Variants in TPRG1 observed in about 807,000 individuals in gnomAD.
TPRG1 encodes tumor protein p63-regulated gene 1 protein.
A neutral mutation model predicts 29.3 loss-of-function variants in TPRG1; 29 were observed. The observed-to-expected ratio is 0.99, with a 90% CI of 0.74 to 1.35. TPRG1 has a LOEUF of 1.35. TPRG1 is among the 40% of genes most tolerant of loss of function. TPRG1 has a pLI of 0.00. For synonymous variants in TPRG1, 130 were observed against 116.8 expected (o/e 1.11, Z -0.73); for missense variants, 327 against 335.0 (o/e 0.98, Z 0.19).
chr3:189,264,803 A>C (rs1161656507), intron 4 of TPRG1, among the ~76,000 whole-genome samples: 4 of 152,208 alleles, frequency 2.6e-5, no homozygotes, highest in African/African-American at 9.7e-5. Context: ...TCCTTCCCCA[A>C]ATATTCAGTC....
At chr3:189,100,570 C>T (rs1007080472) in intron 1 of TPRG1, among the ~76,000 whole-genome samples, 1 of 152,140 alleles carries the variant, frequency 6.6e-6, no homozygotes, top group Non-Finnish European at 1.5e-5. Flanking sequence ...TCTTCCATTG[C>T]AAAATGTATT....
At chr3:189,220,056 T>G (rs1736716586) in intron 3 of TPRG1, among the ~76,000 whole-genome samples, 1 of 152,196 alleles carries the variant, frequency 6.6e-6, no homozygotes, top group African/African-American at 2.4e-5. Flanking sequence ...GATCTACTAC[T>G]TACTATCAGT....
chr3:189,098,760 C>T (rs1212759264), upstream of TPRG1, among the ~76,000 whole-genome samples: 1 of 152,150 alleles, frequency 6.6e-6, no homozygotes, highest in Non-Finnish European at 1.5e-5. Context: ...AATTTCCAAG[C>T]CTTGTGGTTT....
chr3:189,126,563 A>G (rs1460330867), intron 1 of TPRG1, among the ~76,000 whole-genome samples: 1 of 152,188 alleles, frequency 6.6e-6, no homozygotes, highest in Non-Finnish European at 1.5e-5. Context: ...TTTATATGGG[A>G]AATGGGTGCA....
chr3:189,120,511 C>G (rs1721707175), intron 1 of TPRG1: 1 of 152,122 alleles, frequency 6.6e-6, no homozygotes, highest in Admixed American at 6.6e-5. Context: ...ATCTTTGGGT[C>G]AGTGGTTCAT....
intron 1 of TPRG1, among the ~76,000 whole-genome samples, chr3:189,122,985 C>T (rs950257947): frequency 1.3e-5 from 2 of 152,158 alleles, no homozygotes; most frequent in African/African-American, 4.8e-5. Context: ...AATGCTTTGT[C>T]CTCCTTGTAT....
At chr3:189,319,938 C>A (rs149807318) in intron 5 of TPRG1, among the ~76,000 whole-genome samples, 1 of 152,048 alleles carries the variant, frequency 6.6e-6, no homozygotes, top group South Asian at 2.1e-4. Context: ...TTCTTCTTCA[C>A]GTAACTAGCT....
intron 3 of TPRG1, among the ~76,000 whole-genome samples, chr3:189,022,186 C>T (rs767605012): frequency 4.1e-4 from 63 of 152,188 alleles, no homozygotes; most frequent in Non-Finnish European, 6.6e-4. Flanking sequence ...AATGTCCTCC[C>T]GTAGCTCAGA....
chr3:189,036,699 G>A lies in TPRG1; in HGVS notation c.-463+12753G>A, dbSNP rs75210925. On this transcript the variant is annotated intron_variant, in intron 4 of 10. Coordinates refer to the TPRG1 transcript ENST00000433971. ...TTTGGAAAGATGAGTAACATATACA[G>A]GTATCTGGTAACACTGGTAACAAAA... Among the ~76,000 whole-genome samples, 222 of 151,822 alleles carry A rather than the reference G, an allele frequency of 1.5e-3. 1 individual carries two copies. The highest frequency in any genetic ancestry group is 5.2e-3 in the African/African-American group (217 of 41,420).
At chr3:189,079,763 G>A (rs1717461410) in intron 4 of TPRG1, among the ~76,000 whole-genome samples, 1 of 152,100 alleles carries the variant, frequency 6.6e-6, no homozygotes, top group African/African-American at 2.4e-5. Context: ...TTGGCTTTCT[G>A]GACATAAACT....
intron 4 of TPRG1, among the ~76,000 whole-genome samples, chr3:189,302,139 T>TA (rs1352929049): frequency 1.3e-5 from 2 of 152,228 alleles, no homozygotes; most frequent in Non-Finnish European, 2.9e-5. Flanking sequence ...AAAAGCCTTA[T>TA]ATCCATCAAA....
chr3:189,254,913 A>G (rs967071988), intron 4 of TPRG1, among the ~76,000 whole-genome samples: 2 of 152,056 alleles, frequency 1.3e-5, no homozygotes, highest in Admixed American at 1.3e-4. Flanking sequence ...CAGCTTAAGG[A>G]GTTTTGGGGC....
At chr3:189,040,842 C>T (rs568344086) in intron 4 of TPRG1, among the ~76,000 whole-genome samples, 2 of 152,258 alleles carry the variant, frequency 1.3e-5, no homozygotes, top group Admixed American at 6.5e-5. Flanking sequence ...AAGGGTGGTC[C>T]TCAGTGTCAT....
At chr3:189,286,076 T>G (rs1718012456) in intron 4 of TPRG1, among the ~76,000 whole-genome samples, 1 of 152,108 alleles carries the variant, frequency 6.6e-6, no homozygotes, top group African/African-American at 2.4e-5. Context: ...GCTAGAAACA[T>G]GCTGGCTTCC....
chr3:189,062,425 C>T (rs1014571599), intron 4 of TPRG1, among the ~76,000 whole-genome samples: 1 of 151,782 alleles, frequency 6.6e-6, no homozygotes, highest in African/African-American at 2.4e-5. Flanking sequence ...AATATGTATC[C>T]CTGAACCTAA....
chr3:189,082,924 C>G lies in TPRG1; in HGVS notation c.-462-44133C>G, dbSNP rs112551963. On this transcript the variant is annotated intron_variant, in intron 4 of 10. Transcript: ENST00000433971. ...CCCTGTGTTTGTGCTATGTCACATG[C>G]ACAGGAGATTTTGTTTTTTACCTGA... is the stretch of plus-strand genomic sequence containing the variant. Among the ~76,000 whole-genome samples, 510 of 152,248 alleles carry G rather than the reference C, an allele frequency of 3.3e-3. 5 individuals are homozygous for G. Among genetic ancestry groups the G allele is most frequent in the African/African-American group, 0.011 (454 of 41,538 alleles).
intron 4 of TPRG1, among the ~76,000 whole-genome samples, chr3:189,247,538 C>T (rs1321278178): frequency 1.3e-5 from 2 of 151,672 alleles, no homozygotes; most frequent in Non-Finnish European, 2.9e-5. Flanking sequence ...ATTTATTCCT[C>T]CTTGAAATTG....
At chr3:189,271,994 C>T (rs917752687) in intron 4 of TPRG1, among the ~76,000 whole-genome samples, 2 of 152,182 alleles carry the variant, frequency 1.3e-5, no homozygotes, top group African/African-American at 4.8e-5. Flanking sequence ...GTGCACTCTG[C>T]CTTTCCTATA....
chr3:189,202,016 C>T (rs1733578981), intron 1 of TPRG1, among the ~76,000 whole-genome samples: 1 of 152,092 alleles, frequency 6.6e-6, no homozygotes, highest in South Asian at 2.1e-4. Flanking sequence ...TTTTCTTTGC[C>T]TCCGACTCAT....
Sources: allele counts gnomAD v4.1 joint callset (sites outside exome capture counted in the v4.1 genomes callset), GRCh38; gene constraint gnomAD v4.1.1; transcripts MANE v1.5; gene names NCBI Gene and HGNC (gene_info 2026-07-23, HGNC 2026-07-21).